DIP2B: variants seen among roughly 807,000 people sequenced by gnomAD.
The protein encoded by DIP2B is disco-interacting protein 2 homolog B.
Under a neutral mutation model 198.0 loss-of-function variants are expected in DIP2B, and 76 were observed. The ratio of observed to expected loss-of-function variants is 0.38; its 90% CI spans 0.32 to 0.46. The LOEUF is 0.46. Among genes scored for constraint, DIP2B ranks in the 20% least tolerant of loss-of-function variants. DIP2B has a pLI of 0.99. For missense variants in DIP2B, 1,559 were observed against 1,978.4 expected (o/e 0.79, Z 4.02); for synonymous variants, 701 against 739.1 (o/e 0.95, Z 0.84).
At chr12:50,695,420 A>T (rs1194612929) in intron 15 of DIP2B, 60 bp downstream of exon 15, 2 of 1,504,986 alleles carry the variant, frequency 1.3e-6, no homozygotes, top group African/African-American at 2.8e-5. Flanking sequence ...GATTTCAGGG[A>T]TTTCAGAGAT....
rs749293415 is a variant in DIP2B at position 50,732,427 on chromosome 12, G to T, written c.3872G>T (p.Arg1291Leu). 6.2e-7 allele frequency: 1 copy of T among 1,614,100 alleles called. No homozygotes were observed. Among genetic ancestry groups the T allele is most frequent in the Admixed American group, 1.7e-5 (1 of 60,010 alleles). ...GTGGTGGTGGCGGAGGAGAGGCCCC[G>T]CGTTGCACTCCAGCAGTCCTTCTCT... ...TCVVVAEERPRVALQQSFSKL... is the reference protein window; with the variant it reads ...TCVVVAEERPLVALQQSFSKL... Residue 1291 changes from arginine (R) to leucine (L), a missense_variant, in exon 32 of 38, where the codon CGC becomes CTC. Arg to Leu is a moderately radical substitution (Grantham distance 102). Transcript: ENST00000301180.
intron 3 of DIP2B, among the ~76,000 whole-genome samples, chr12:50,650,673 G>T (rs2139499854): frequency 6.6e-6 from 1 of 152,222 alleles, no homozygotes; most frequent in African/African-American, 2.4e-5. Context: ...ATATTTCCTT[G>T]TATGTATATA....
chr12:50,671,550 C>T (rs1938855024), intron 5 of DIP2B, 152 bp downstream of exon 5: 5 of 759,484 alleles, frequency 6.6e-6, no homozygotes, highest in Middle Eastern at 7.7e-4. Flanking sequence ...AAGATGGAAA[C>T]ACCAGCAATA....
chr12:50,660,159 C>A, intron 3 of DIP2B, 35 bp from the exon 4 acceptor site: 3 of 1,571,504 alleles, frequency 1.9e-6, no homozygotes, highest in Non-Finnish European at 2.6e-6. Flanking sequence ...TTTCAAGAGC[C>A]GGAAGCTAAT....
chr12:50,570,930 G>A (rs1958607226), intron 1 of DIP2B, among the ~76,000 whole-genome samples: 3 of 152,050 alleles, frequency 2.0e-5, no homozygotes, highest in Admixed American at 2.0e-4. Context: ...TTTATTGACT[G>A]TTTATTTAGC....
At position 50,505,228 on chromosome 12, in the gene DIP2B, G is replaced by A; in HGVS notation, c.88G>A (p.Glu30Lys). ...GGCGCAGCTGGCGGAGCTGGAGCTGGAGCTCTCGGAGGGTAGGAGCCGGGC... is the reference window on the plus strand; with the variant it reads ...GGCGCAGCTGGCGGAGCTGGAGCTGAAGCTCTCGGAGGGTAGGAGCCGGGC... Reference protein sequence around the residue: ...VRAQLAELELELSEGDITQKG... With the variant: ...VRAQLAELELKLSEGDITQKG... The change falls in exon 1 of 38, where the codon GAG becomes AAG. Residue 30 changes from glutamate (E) to lysine (K), a missense_variant. Transcript: ENST00000301180. The A allele has an allele frequency of 6.6e-7, 1 of 1,517,484 alleles. No homozygotes were observed. Among genetic ancestry groups the A allele is most frequent in the Non-Finnish European group, 8.8e-7 (1 of 1,138,676 alleles). 94.0% of individuals were successfully genotyped at this position (1,517,484 alleles called of 1,614,324 possible).
chr12:50,723,245 C>T lies in DIP2B; in HGVS notation c.3210C>T (p.Gly1070=). Residue 1070 remains glycine (G), a synonymous_variant, in exon 27 of 38, where the codon GGC becomes GGT. Coordinates refer to ENST00000301180, the MANE Select transcript of DIP2B (RefSeq NM_173602.3). ...IAAFYGCLYA[G]CIPVTVRPPH... ...CCTTCTATGGCTGCCTGTATGCGGG[C>T]TGTATACCTGTGACCGTCAGACCTC... 1 of 1,614,174 alleles carries T rather than the reference C, an allele frequency of 6.2e-7. No individual in the cohort carries two copies. Among genetic ancestry groups the T allele is most frequent in the Non-Finnish European group, 8.5e-7 (1 of 1,180,030 alleles).
intron 20 of DIP2B, among the ~76,000 whole-genome samples, chr12:50,705,863 G>A (rs1939504645): frequency 1.3e-5 from 2 of 152,318 alleles, no homozygotes; most frequent in South Asian, 4.1e-4. Context: ...CTGCTAGGTA[G>A]GTGAATGTAT....
intron 1 of DIP2B, among the ~76,000 whole-genome samples, chr12:50,547,578 G>C (rs1187169138): frequency 6.6e-6 from 1 of 152,180 alleles, no homozygotes; most frequent in Non-Finnish European, 1.5e-5. Flanking sequence ...AAGTGAGCTA[G>C]AGTGTGTGGG....
chr12:50,546,615 C>G (rs1565820068), intron 1 of DIP2B, among the ~76,000 whole-genome samples: 1 of 152,148 alleles, frequency 6.6e-6, no homozygotes, highest in African/African-American at 2.4e-5. Context: ...AATAGGAGGT[C>G]ACATTCTTGC....
intron 1 of DIP2B, among the ~76,000 whole-genome samples, chr12:50,614,116 C>T (rs1275661843): frequency 6.6e-6 from 1 of 152,238 alleles, no homozygotes; most frequent in East Asian, 1.9e-4. Context: ...TCACCTCTTA[C>T]TCATTCTTCA....
chr12:50,626,175 G>T (rs1002323935), intron 2 of DIP2B, 128 bp downstream of exon 2: 2 of 932,492 alleles, frequency 2.1e-6, no homozygotes, highest in Non-Finnish European at 3.3e-6. Context: ...AGAAAAAAAC[G>T]GAAGGAAAGA....
intron 2 of DIP2B, among the ~76,000 whole-genome samples, chr12:50,628,692 C>T (rs571352766): frequency 6.6e-6 from 1 of 152,240 alleles, no homozygotes; most frequent in South Asian, 2.1e-4. Flanking sequence ...CCATTTTCAC[C>T]CTCTTTGTTT....
intron 22 of DIP2B, among the ~76,000 whole-genome samples, chr12:50,713,596 G>C (rs958444030): frequency 6.6e-6 from 1 of 152,202 alleles, no homozygotes. Context: ...CCTCACCCCA[G>C]ATGTTTTTCA....
chr12:50,603,675 T>G (rs897594730), intron 1 of DIP2B, among the ~76,000 whole-genome samples: 2 of 151,806 alleles, frequency 1.3e-5, no homozygotes, highest in Non-Finnish European at 2.9e-5. Context: ...CAAGCCATGA[T>G]CATACCACTG....
At chr12:50,674,414 G>T in intron 5 of DIP2B, 60 bp from the exon 6 acceptor site, 1 of 1,592,218 alleles carries the variant, frequency 6.3e-7, no homozygotes, top group African/African-American at 1.3e-5. Context: ...AAACCCCAAA[G>T]ATTTGAAGGT....
In DIP2B at chr12:50,741,519, C is replaced by T. The variant is rs771197303; in HGVS notation, c.4458C>T (p.Ile1486=). The change falls in exon 37 of 38, where the codon ATC becomes ATT. Residue 1486 remains isoleucine (I), a synonymous_variant. Coordinates refer to ENST00000301180, the MANE Select transcript of DIP2B (RefSeq NM_173602.3). ...ATATTGAGACCTCGGTGTCCCGGAT[C>T]CACAGAAGCATTGCTGAATGGTAAC... ...PIDIETSVSR[I]HRSIAECAVF... is the part of the protein sequence containing the mutation. 8.7e-6 allele frequency: 14 copies of T among 1,613,602 alleles called. No homozygotes were observed. The highest frequency in any genetic ancestry group is 1.2e-5 in the Non-Finnish European group (14 of 1,179,778).
At chr12:50,641,074 C>T (rs762573891) in intron 3 of DIP2B, among the ~76,000 whole-genome samples, 3 of 152,062 alleles carry the variant, frequency 2.0e-5, no homozygotes, top group African/African-American at 4.8e-5. Flanking sequence ...AGACTGTTTC[C>T]GGCTGGGCGA....
intron 19 of DIP2B, 82 bp downstream of exon 19, chr12:50,699,284 A>G (rs1592133362): frequency 1.9e-6 from 3 of 1,564,336 alleles, no homozygotes; most frequent in East Asian, 2.2e-5. Flanking sequence ...TTGATGGGAC[A>G]TAGCATAACA....
Sources: gnomAD v4.1 joint callset for allele counts (sites outside exome capture counted in the v4.1 genomes callset) on GRCh38, gnomAD v4.1.1 for gene constraint, MANE v1.5 for transcripts, NCBI Gene and HGNC (gene_info 2026-07-23, HGNC 2026-07-21) for gene names.